The following CYP2R1 variants were observed in gnomAD, a reference collection of about 807,000 sequenced individuals.
CYP2R1 encodes the protein vitamin D 25-hydroxylase.
Under a neutral mutation model 45.7 loss-of-function variants are expected in CYP2R1, and 40 were observed. That is an observed-to-expected ratio of 0.87 (90% CI 0.68 to 1.14). The LOEUF is 1.14. CYP2R1 is among the 50% of genes most tolerant of loss of function. The pLI, the probability that CYP2R1 is intolerant of heterozygous loss-of-function variation, is 0.00. For synonymous variants in CYP2R1, 234 were observed against 219.3 expected (o/e 1.07, Z -0.59); for missense variants, 605 against 602.6 (o/e 1.00, Z -0.04).
chr11:14,890,286 G>T, intron 1 of CYP2R1: 1 of 195,616 alleles, frequency 5.1e-6, no homozygotes, highest in Non-Finnish European at 9.2e-6. Context: ...CTAGTCTTAT[G>T]CTTTCACATT....
chr11:14,878,354 A>G, intron 4 of CYP2R1, 57 bp from the exon 5 acceptor site: 1 of 1,511,896 alleles, frequency 6.6e-7, no homozygotes, highest in Non-Finnish European at 9.2e-7. Context: ...TACCAAAATT[A>G]ATGTCTAATA....
chr11:14,890,220 GA>G (rs1162076647), intron 1 of CYP2R1, among the ~76,000 whole-genome samples: 5 of 147,352 alleles, frequency 3.4e-5, no homozygotes, highest in South Asian at 2.1e-4. Context: ...TCACTACCGA[GA>G]AAAAAAAAAG....
rs563258137 is a variant in CYP2R1, at chr11:14,877,609, A to G, written c.*513T>C. On this transcript the variant is annotated 3_prime_UTR_variant, in exon 5 of 5. Coordinates refer to ENST00000334636, the MANE Select transcript of CYP2R1 (RefSeq NM_024514.5). ...CACTGGCAGGCTCTACATTAAATACATATTTCTTCTACCATCTCCCACCAT... is the reference window on the plus strand; with the variant it reads ...CACTGGCAGGCTCTACATTAAATACGTATTTCTTCTACCATCTCCCACCAT... 209 of 152,750 alleles carry G rather than the reference A, an allele frequency of 1.4e-3. No homozygotes were observed. Among genetic ancestry groups the G allele is most frequent in the Admixed American group, 2.7e-3 (41 of 15,336 alleles). 9.5% of individuals were successfully genotyped at this position (152,750 alleles called of 1,614,324 possible). A position where few individuals can be genotyped will look rare whatever the true frequency, so the allele number is the denominator to read the frequency against.
Position 14,892,140 on chromosome 11 carries a change from G to A in CYP2R1, c.66C>T (p.Leu22=), listed in dbSNP as rs1555017382. The A allele has an allele frequency of 8.7e-6, 14 of 1,611,410 alleles. No homozygotes were observed. The highest frequency in any genetic ancestry group is 1.1e-5 in the South Asian group (1 of 90,992). ...GCAGCTGGCGGACCCCTAGCGCGAA[G>A]AGCAGCAGGAAGAGCGCGCCGCCGA... The part of the protein sequence containing the change: ...AALGGALFLL[L]FALGVRQLLK... The change falls in exon 1 of 5, where the codon CTC becomes CTT. Residue 22 remains leucine (L), a synonymous_variant. Transcript: ENST00000334636.
intron 2 of CYP2R1, among the ~76,000 whole-genome samples, chr11:14,882,156 C>A (rs143237778): frequency 3.3e-5 from 5 of 152,158 alleles, no homozygotes; most frequent in African/African-American, 1.2e-4. Context: ...TTGTGGAACA[C>A]CTACTATGTT....
chr11:14,882,390 A>G (rs1555012625), intron 2 of CYP2R1, among the ~76,000 whole-genome samples: 1 of 152,146 alleles, frequency 6.6e-6, no homozygotes, highest in African/African-American at 2.4e-5. Flanking sequence ...ATACCTGAGG[A>G]AAGACCACTG....
rs1555011750 is a variant in CYP2R1 at position 14,880,474 on chromosome 11, G to A, written c.662C>T (p.Ala221Val). 1 of 1,613,470 alleles carries A rather than the reference G, an allele frequency of 6.2e-7. No homozygotes were observed. Among genetic ancestry groups the A allele is most frequent in the Admixed American group, 1.7e-5 (1 of 59,856 alleles). The part of the protein sequence containing the change: ...IELFSENVEL[A>V]ASASVFLYNA... ...ATACAAGAAGACTGAGGCACTGGCA[G>A]CTAGTTCCACATTTTCACTAAATAA... Residue 221 changes from alanine (A) to valine (V), a missense_variant, in exon 3 of 5, where the codon GCT becomes GTT. Transcript: ENST00000334636.
At chr11:14,892,380 G>C, upstream of CYP2R1, 2 of 643,918 alleles carry the variant, frequency 3.1e-6, no homozygotes, top group Non-Finnish European at 5.4e-6. Flanking sequence ...AGTTTTGCGC[G>C]GCTGAGAGTG....
At chr11:14,890,291 C>T in intron 1 of CYP2R1, 1 of 205,062 alleles carries the variant, frequency 4.9e-6, no homozygotes, top group Non-Finnish European at 8.5e-6. Flanking sequence ...CTTATGCTTT[C>T]ACATTTTATT....
chr11:14,885,347 A>G (rs1285036562), intron 2 of CYP2R1, among the ~76,000 whole-genome samples: 3 of 152,154 alleles, frequency 2.0e-5, no homozygotes, highest in South Asian at 2.1e-4. Context: ...ATGCAACTCT[A>G]TACTTACTAA....
At chr11:14,887,485 T>G (rs915777670) in intron 1 of CYP2R1, 2 of 668,676 alleles carry the variant, frequency 3.0e-6, no homozygotes, top group African/African-American at 3.9e-5. Flanking sequence ...TTGTGAAAAC[T>G]TATCCTTAAA....
At position 14,879,264 on chromosome 11, in the gene CYP2R1, T is replaced by G. The variant is rs781820129; in HGVS notation, c.1180A>C (p.Ile394Leu). 5.0e-6 allele frequency: 8 copies of G among 1,613,342 alleles called. No homozygotes were observed. The South Asian group carries it at 8.8e-5, about 18-fold the overall frequency. The change falls in exon 4 of 5, where the codon ATT becomes CTT. Residue 394 changes from isoleucine to leucine, a missense_variant. Physicochemically the swap from Ile to Leu is conservative, Grantham distance 5. Coordinates refer to ENST00000334636, the MANE Select transcript of CYP2R1 (RefSeq NM_024514.5). ...GTAATTACTGTTGTGCCTTTAGGAATGGAATAACCACGTACAACTGCATCT... is the reference window on the plus strand; with the variant it reads ...GTAATTACTGTTGTGCCTTTAGGAAGGGAATAACCACGTACAACTGCATCT... ...SEDAVVRGYSIPKGTTVITNL... is the reference protein window; with the variant it reads ...SEDAVVRGYSLPKGTTVITNL...
Position 14,885,889 on chromosome 11 carries a change from G to T in CYP2R1, c.254C>A (p.Ser85Ter). 6.2e-7 allele frequency: 1 copy of T among 1,613,500 alleles called. No homozygotes were observed. The highest frequency in any genetic ancestry group is 8.5e-7 in the Non-Finnish European group (1 of 1,179,648). Reference sequence around the variant, plus strand: ...ATCATAGCCATTTAGAACCACAGTTGATATGCCTCCAAGATCTAAACTGAA... The same window carrying T: ...ATCATAGCCATTTAGAACCACAGTTTATATGCCTCCAAGATCTAAACTGAA... The part of the protein sequence containing the change: ...EIFSLDLGGI[S>*]TVVLNGYDVV... Residue 85 changes from serine (S) to a stop codon, truncating the protein, a stop_gained, in exon 2 of 5, where the codon TCA (serine) becomes TAA (stop). Transcript: ENST00000334636. LOFTEE classifies it high-confidence loss of function.
intron 2 of CYP2R1, among the ~76,000 whole-genome samples, chr11:14,883,988 C>G (rs1555013385): frequency 6.6e-6 from 1 of 152,072 alleles, no homozygotes; most frequent in East Asian, 2.0e-4. Flanking sequence ...GAGATACCAT[C>G]TCACACCAGT....
At chr11:14,883,851 C>T (rs1848494285) in intron 2 of CYP2R1, among the ~76,000 whole-genome samples, 2 of 151,936 alleles carry the variant, frequency 1.3e-5, no homozygotes, top group South Asian at 4.1e-4. Context: ...AAAAACAACC[C>T]CATCAACAAG....
chr11:14,885,617 T>C (rs958883788), intron 2 of CYP2R1, among the ~76,000 whole-genome samples, 159 bp downstream of exon 2: 11 of 152,196 alleles, frequency 7.2e-5, no homozygotes, highest in Admixed American at 2.6e-4. Context: ...AATATGCGTG[T>C]AGTACAGCCT....
chr11:14,891,778 C>G (rs1204383015), intron 1 of CYP2R1: 2 of 1,393,708 alleles, frequency 1.4e-6, no homozygotes, highest in Admixed American at 6.5e-5. Flanking sequence ...CCGGCAGGGG[C>G]GGGGCTCCCC....
intron 4 of CYP2R1, 152 bp downstream of exon 4, chr11:14,878,962 A>G: frequency 1.5e-6 from 1 of 688,182 alleles, no homozygotes; most frequent in Non-Finnish European, 2.4e-6. Flanking sequence ...AATTACTTCC[A>G]ATTTAATCAT....
At chr11:14,891,596 A>G (rs1555016967) in intron 1 of CYP2R1, 1 of 1,058,566 alleles carries the variant, frequency 9.4e-7, no homozygotes, top group East Asian at 9.1e-5. Context: ...GCTTCCACAG[A>G]GCTGCGAGGC....
Sources: allele counts gnomAD v4.1 joint callset (sites outside exome capture counted in the v4.1 genomes callset), GRCh38; gene constraint gnomAD v4.1.1; transcripts MANE v1.5; gene names NCBI Gene and HGNC (gene_info 2026-07-23, HGNC 2026-07-21).